PLIN4: variants seen among roughly 807,000 people sequenced by gnomAD.
PLIN4 encodes perilipin 4.
Under a neutral mutation model 52.4 loss-of-function variants are expected in PLIN4, and 57 were observed. The ratio of observed to expected loss-of-function variants is 1.09; its 90% CI spans 0.88 to 1.36. PLIN4 has a LOEUF of 1.36. Ranked by LOEUF, PLIN4 falls within the 40% of genes most tolerant of loss-of-function variation. PLIN4 has a pLI of 0.00. For synonymous variants in PLIN4, 826 were observed against 785.4 expected (o/e 1.05, Z -0.86); for missense variants, 1,757 against 1,770.3 (o/e 0.99, Z 0.13).
intron 4 of PLIN4, among the ~76,000 whole-genome samples, chr19:4,515,273 G>T (rs1303606664): frequency 2.0e-5 from 3 of 150,950 alleles, no homozygotes; most frequent in South Asian, 2.1e-4. Context: ...TACTTTTTTT[G>T]TTTGTTTGTT....
Position 4,511,582 on chromosome 19 carries a change from G to T in PLIN4, c.2378C>A (p.Thr793Asn). 6.8e-7 allele frequency: 1 copy of T among 1,481,440 alleles called. No individual in the cohort carries two copies. The highest frequency in any genetic ancestry group is 9.0e-7 in the Non-Finnish European group (1 of 1,113,620). 91.8% of individuals were successfully genotyped at this position (1,481,440 alleles called of 1,614,324 possible). ...TGMDTTKTVL[T>N]GTKDAVCSGV... is the part of the protein sequence containing the mutation. Reference sequence around the variant, plus strand: ...ACTGCACACAGCATCCTTGGTACCAGTTAACACAGTCTTGGTGGTGTCCAT... The same window carrying T: ...ACTGCACACAGCATCCTTGGTACCATTTAACACAGTCTTGGTGGTGTCCAT... The change falls in exon 5 of 8, where the codon ACT becomes AAT. Residue 793 changes from threonine to asparagine, a missense_variant. This residue lies in a region of PLIN4 where 96 missense variants were observed against 136.5 expected (regional missense o/e 0.70). Coordinates refer to ENST00000301286, the MANE Select transcript of PLIN4 (RefSeq NM_001367868.2).
At position 4,510,677 on chromosome 19, in the gene PLIN4, G is replaced by A. The variant is rs755584419; in HGVS notation, c.3283C>T (p.Pro1095Ser). Residue 1095 changes from proline to serine, a missense_variant, in exon 5 of 8, where the codon CCC becomes TCC. Physicochemically the swap from Pro to Ser is moderately conservative, Grantham distance 74. Coordinates refer to ENST00000301286, the MANE Select transcript of PLIN4 (RefSeq NM_001367868.2). ...GGGCCTACACTGAGCACATCCGGGG[G>A]CGTGGAGATGCCAGAGAACGGGGCC... ...QEAPFSGIST[P>S]PDVLSVGPEP... The A allele has an allele frequency of 6.6e-7, 1 of 1,520,974 alleles. No homozygotes were observed. Among genetic ancestry groups the A allele is most frequent in the Admixed American group, 2.2e-5 (1 of 45,892 alleles). The allele number at this position is 1,520,974 out of a possible 1,614,324, so 94.2% of individuals were successfully genotyped here.
chr19:4,516,321 C>T (rs1976580190), intron 4 of PLIN4, among the ~76,000 whole-genome samples: 1 of 152,132 alleles, frequency 6.6e-6, no homozygotes, highest in South Asian at 2.1e-4. Context: ...ACGCTGCTGT[C>T]GCTTTGGTCT....
Position 4,502,322 on chromosome 19 carries a change from C to T in PLIN4, c.*2137G>A, listed in dbSNP as rs1314453504. Reference sequence around the variant, plus strand: ...TTGGGACTGGGTTGAGCCATCAGGCCACCGTGAGAAGCGACTAAAAGGCAC... The same window carrying T: ...TTGGGACTGGGTTGAGCCATCAGGCTACCGTGAGAAGCGACTAAAAGGCAC... On this transcript the variant is annotated 3_prime_UTR_variant, in exon 8 of 8. Transcript: ENST00000301286. The T allele has an allele frequency of 2.3e-6, 1 of 433,850 alleles. No individual in the cohort carries two copies. Among genetic ancestry groups the T allele is most frequent in the Non-Finnish European group, 4.2e-6 (1 of 236,452 alleles). 26.9% of individuals were successfully genotyped at this position (433,850 alleles called of 1,614,324 possible). A position where few individuals can be genotyped will look rare whatever the true frequency, so the allele number is the denominator to read the frequency against.
intron 3 of PLIN4, among the ~76,000 whole-genome samples, chr19:4,517,304 A>G (rs934191645): frequency 2.1e-5 from 2 of 93,750 alleles, no homozygotes; most frequent in African/African-American, 8.9e-5. Context: ...AGGGTGGGGG[A>G]ACGGCCGAGG....
chr19:4,511,685 G>A lies in PLIN4; in HGVS notation c.2275C>T (p.Leu759=), dbSNP rs113361848. Residue 759 remains leucine, a synonymous_variant, in exon 5 of 8, where the codon CTG becomes TTG. Coordinates refer to ENST00000301286, the MANE Select transcript of PLIN4 (RefSeq NM_001367868.2). ...QGGLDTTKSV[L]TGTKDAVSTG... is the part of the protein sequence containing the mutation. ...GACACAGCATCTTTAGTGCCAGTCA[G>A]GACAGACTTTGTAGTGTCCAGGCCC... 1,747 of 1,193,680 alleles carry A rather than the reference G, an allele frequency of 1.5e-3. 7 individuals are homozygous for A. The African/African-American group carries it at 0.019, about 13-fold the overall frequency. The allele number at this position is 1,193,680 out of a possible 1,614,324, so 73.9% of individuals were successfully genotyped here.
At chr19:4,505,876 C>T (rs920996775) in intron 6 of PLIN4, among the ~76,000 whole-genome samples, 6 of 152,198 alleles carry the variant, frequency 3.9e-5, no homozygotes, top group Admixed American at 6.5e-5. Flanking sequence ...GCAACCCGCC[C>T]GGCCTCCCCT....
Position 4,511,416 on chromosome 19 carries a change from T to C in PLIN4, c.2544A>G (p.Gln848=), listed in dbSNP as rs551468546. The change falls in exon 5 of 8, where the codon CAA becomes CAG. Residue 848 remains glutamine, a synonymous_variant. Transcript: ENST00000301286. ...GAANVAKGAV[Q]TGLKTTQNIA... ...TATTTTGGGTCGTTTTCAGCCCAGT[T>C]TGCACAGCACCCTTGGCCACGTTCG... The C allele has an allele frequency of 6.6e-7, 1 of 1,513,538 alleles. No individual in the cohort carries two copies. The highest frequency in any genetic ancestry group is 1.7e-5 in the African/African-American group (1 of 58,132). The allele number at this position is 1,513,538 out of a possible 1,614,324, so 93.8% of individuals were successfully genotyped here.
Position 4,513,649 on chromosome 19 carries a change from TC to T in PLIN4, c.310del (p.Asp104MetfsTer77). ...GCTGGCCACCCCGGAGGACACGGCATCCTTGGCCCTGGACATCTTGGAACAC... is the reference window on the plus strand; with the variant it reads ...GCTGGCCACCCCGGAGGACACGGCATCTTGGCCCTGGACATCTTGGAACAC... ...LVCSKMSRAK[D>X]AVSSGVASVV... On this transcript the variant is annotated frameshift_variant, in exon 5 of 8. Transcript: ENST00000301286. LOFTEE classifies it high-confidence loss of function. The T allele has an allele frequency of 6.2e-7, 1 of 1,606,978 alleles. No homozygotes were observed. Among genetic ancestry groups the T allele is most frequent in the East Asian group, 2.2e-5 (1 of 44,844 alleles).
intron 4 of PLIN4, among the ~76,000 whole-genome samples, chr19:4,515,173 C>G (rs545414848): frequency 2.1e-4 from 31 of 148,862 alleles, no homozygotes; most frequent in Admixed American, 7.3e-4. Context: ...GAGACTGTCT[C>G]AAAAGATAAA....
Position 4,502,349 on chromosome 19 carries a change from C to T in PLIN4, c.*2110G>A. 1 of 381,676 alleles carries T rather than the reference C, an allele frequency of 2.6e-6. No individual in the cohort carries two copies. Among genetic ancestry groups the T allele is most frequent in the South Asian group, 2.2e-5 (1 of 44,950 alleles). 23.6% of individuals were successfully genotyped at this position (381,676 alleles called of 1,614,324 possible). A position where few individuals can be genotyped will look rare whatever the true frequency, so the allele number is the denominator to read the frequency against. ...CCGTGAGAAGCGACTAAAAGGCACT[C>T]TGGGCCCAGCCCAACCCTGAAAGGC... is the stretch of plus-strand genomic sequence containing the variant. On this transcript the variant is annotated 3_prime_UTR_variant, in exon 8 of 8. Coordinates refer to ENST00000301286, the MANE Select transcript of PLIN4 (RefSeq NM_001367868.2).
chr19:4,504,926 G>C lies in PLIN4; in HGVS notation c.3724C>G (p.Pro1242Ala). 2 of 1,606,216 alleles carry C rather than the reference G, an allele frequency of 1.2e-6. No individual in the cohort carries two copies. Among genetic ancestry groups the C allele is most frequent in the South Asian group, 1.1e-5 (1 of 89,522 alleles). ...TGGTCCAGACGTGGCTGCCCTTCTGGAGCCTGCTGGGCCTTTTCAATCTGG... is the reference window on the plus strand; with the variant it reads ...TGGTCCAGACGTGGCTGCCCTTCTGCAGCCTGCTGGGCCTTTTCAATCTGG... ...FRLIEKAQQAPEGQPRLDQGS... is the reference protein window; with the variant it reads ...FRLIEKAQQAAEGQPRLDQGS... Residue 1242 changes from proline to alanine, a missense_variant, in exon 7 of 8, where the codon CCA becomes GCA. Transcript: ENST00000301286.
In PLIN4 at chr19:4,510,678, C is replaced by A. The variant is rs777407339; in HGVS notation, c.3282G>T (p.Thr1094=). The stretch of plus-strand genomic sequence containing the variant: ...GGCCTACACTGAGCACATCCGGGGG[C>A]GTGGAGATGCCAGAGAACGGGGCCT... ...PQEAPFSGIS[T]PPDVLSVGPE... is the part of the protein sequence containing the mutation. Residue 1094 remains threonine, a synonymous_variant, in exon 5 of 8, where the codon ACG becomes ACT. Coordinates refer to ENST00000301286, the MANE Select transcript of PLIN4 (RefSeq NM_001367868.2). 7 of 1,520,814 alleles carry A rather than the reference C, an allele frequency of 4.6e-6. No homozygotes were observed. In the South Asian group the frequency reaches 9.2e-5, roughly 20 times the overall value. 94.2% of individuals were successfully genotyped at this position (1,520,814 alleles called of 1,614,324 possible). A position where few individuals can be genotyped will look rare whatever the true frequency, so the allele number is the denominator to read the frequency against.
Position 4,504,717 on chromosome 19 carries a change from G to A in PLIN4, c.3858C>T (p.Gly1286=), listed in dbSNP as rs1246984761. The change falls in exon 8 of 8, where the codon GGC becomes GGT. Residue 1286 remains glycine (G), a synonymous_variant. Coordinates refer to ENST00000301286, the MANE Select transcript of PLIN4 (RefSeq NM_001367868.2). ...LLRQLHTAYS[G]LVSSLQGLPA... is the part of the protein sequence containing the mutation. Reference sequence around the variant, plus strand: ...GCAGGCCCTGGAGGCTGGAGACCAGGCCACTGTAGGCCGTGTGCAGCTGCC... The same window carrying A: ...GCAGGCCCTGGAGGCTGGAGACCAGACCACTGTAGGCCGTGTGCAGCTGCC... 1.9e-6 allele frequency: 3 copies of A among 1,600,748 alleles called. No individual in the cohort carries two copies. The highest frequency in any genetic ancestry group is 2.2e-5 in the South Asian group (2 of 90,366).
chr19:4,508,845 G>A lies in PLIN4; in HGVS notation c.3625C>T (p.His1209Tyr). The A allele has an allele frequency of 6.2e-7, 1 of 1,610,838 alleles. No individual in the cohort carries two copies. Among genetic ancestry groups the A allele is most frequent in the Non-Finnish European group, 8.5e-7 (1 of 1,178,792 alleles). Residue 1209 changes from histidine (H) to tyrosine (Y), a missense_variant, in exon 6 of 8, where the codon CAC becomes TAC. By Grantham distance (83) the His-to-Tyr change is moderately conservative. Around this residue, in one of 7 missense-constraint regions of PLIN4, gnomAD observed 712 missense variants for 637.1 expected, o/e 1.12. Coordinates refer to ENST00000301286, the MANE Select transcript of PLIN4 (RefSeq NM_001367868.2). ...CCGTGCTGCAGGTGGCTCACCGCGT[G>A]TTCAAATGCCCGCTGGCGGAAGCTG... Reference protein sequence around the residue: ...GPSFRQRAFEHAVSHLQHGQF... With the variant: ...GPSFRQRAFEYAVSHLQHGQF...
At chr19:4,517,936 C>T (rs1976634333) in intron 2 of PLIN4, among the ~76,000 whole-genome samples, 1 of 152,214 alleles carries the variant, frequency 6.6e-6, no homozygotes, top group African/African-American at 2.4e-5. Context: ...CTTTTCCTTC[C>T]AGGATCCCCA....
intron 4 of PLIN4, among the ~76,000 whole-genome samples, chr19:4,515,260 T>C (rs1599752711): frequency 6.6e-6 from 1 of 151,594 alleles, no homozygotes; most frequent in South Asian, 2.1e-4. Context: ...ACCTGTGAGG[T>C]GCTACTTTTT....
At chr19:4,517,508 C>T (rs1281835024) in intron 3 of PLIN4, 46 bp downstream of exon 3, 22 of 1,575,338 alleles carry the variant, frequency 1.4e-5, no homozygotes, top group Admixed American at 3.5e-5. Flanking sequence ...TCTCCCAGGT[C>T]CATGTGTAGA....
At chr19:4,514,311 C>CG (rs1297434383) in intron 4 of PLIN4, among the ~76,000 whole-genome samples, 9 of 151,862 alleles carry the variant, frequency 5.9e-5, no homozygotes, top group Admixed American at 2.6e-4. Flanking sequence ...ACTGGCTGGG[C>CG]GGGGGGCACA....
Sources: gnomAD v4.1 joint callset for allele counts (sites outside exome capture counted in the v4.1 genomes callset) on GRCh38, gnomAD v4.1.1 for gene constraint, gnomAD v4.1.1 regional missense constraint, MANE v1.5 for transcripts, NCBI Gene and HGNC (gene_info 2026-07-23, HGNC 2026-07-21) for gene names.